The following BICD2 variants were observed in gnomAD, a reference collection of about 807,000 sequenced individuals.
The protein encoded by BICD2 is BICD cargo adaptor 2.
BICD2 carries 25 observed loss-of-function variants against 72.9 expected under a neutral mutation model. That is an observed-to-expected ratio of 0.34 (90% CI 0.25 to 0.48). The LOEUF (loss-of-function observed/expected upper bound fraction) is 0.48, where lower values mean the gene tolerates loss of function less well. BICD2 is among the 20% of genes least tolerant of loss of function. BICD2 has a pLI of 0.99. For synonymous variants in BICD2, 501 were observed against 516.1 expected (o/e 0.97, Z 0.40); for missense variants, 894 against 1,175.2 (o/e 0.76, Z 3.50).
chr9:92,757,589 G>T, intron 1 of BICD2, among the ~76,000 whole-genome samples: 1 of 144,484 alleles, frequency 6.9e-6, no homozygotes, highest in East Asian at 2.1e-4. Context: ...CAGCTACTGC[G>T]GGGGGGCGGG....
intron 1 of BICD2, among the ~76,000 whole-genome samples, chr9:92,738,708 C>T (rs1200388777): frequency 6.6e-6 from 1 of 152,210 alleles, no homozygotes; most frequent in Non-Finnish European, 1.5e-5. Flanking sequence ...AGAAGGCCTA[C>T]ACCACCAGGG....
intron 1 of BICD2, among the ~76,000 whole-genome samples, chr9:92,757,136 A>G (rs1290693701): frequency 6.6e-6 from 1 of 151,986 alleles, no homozygotes; most frequent in Non-Finnish European, 1.5e-5. Context: ...CAACATGGTG[A>G]AACCCCGCCT....
In BICD2 at chr9:92,764,590, T is replaced by A; in HGVS notation, c.155A>T (p.Glu52Val). 6.3e-7 allele frequency: 1 copy of A among 1,577,836 alleles called. No homozygotes were observed. The highest frequency in any genetic ancestry group is 8.6e-7 in the Non-Finnish European group (1 of 1,162,970). Residue 52 changes from glutamate (E) to valine (V), a missense_variant, in exon 1 of 7, where the codon GAG (glutamate) becomes GTG (valine). Coordinates refer to ENST00000356884, the MANE Select transcript of BICD2 (RefSeq NM_001003800.2). This position sits in a 1 kb window ranked among gnomAD's most constrained non-coding sequence, Gnocchi z 5.5. The stretch of plus-strand genomic sequence containing the variant: ...CTGCAGCTTGAGCTGGTGCTTCTCC[T>A]CGAGCACCGCCAGCCCGTACTCGGC... Reference protein sequence around the residue: ...QAAEYGLAVLEEKHQLKLQFE... With the variant: ...QAAEYGLAVLVEKHQLKLQFE...
At chr9:92,732,259 AAC>A (rs776710468) in intron 1 of BICD2, among the ~76,000 whole-genome samples, 15 of 152,208 alleles carry the variant, frequency 9.9e-5, no homozygotes, top group Non-Finnish European at 1.9e-4. Context: ...TCCAAAATGA[AAC>A]ACAGAGAAAA....
intron 3 of BICD2, among the ~76,000 whole-genome samples, chr9:92,721,650 A>T (rs980535550): frequency 5.3e-5 from 8 of 152,232 alleles, no homozygotes; most frequent in Admixed American, 3.3e-4. Context: ...GTGGGCATGG[A>T]GCCCTCAGTC....
Position 92,719,573 on chromosome 9 carries a change from C to T in BICD2, c.1072G>A (p.Glu358Lys). ...LKQQLMQMER[E>K]KAGLLATLQD... is the part of the protein sequence containing the mutation. ...AGCGTTGCCAGCAGGCCCGCCTTTT[C>T]CCGCTCCATCTGCAAAGGCACAGGC... is the stretch of plus-strand genomic sequence containing the variant. The change falls in exon 5 of 7, where the codon GAA becomes AAA. Residue 358 changes from glutamate to lysine, a missense_variant. Physicochemically the swap from Glu to Lys is moderately conservative, Grantham distance 56. Transcript: ENST00000356884. 2 of 1,602,482 alleles carry T rather than the reference C, an allele frequency of 1.2e-6. No individual in the cohort carries two copies. Among genetic ancestry groups the T allele is most frequent in the Non-Finnish European group, 1.7e-6 (2 of 1,175,948 alleles).
rs534890805 is a variant in BICD2 at position 92,711,466 on chromosome 9, T to C, written c.*3688A>G. ...TGGCTTTGTAGGCATTCACATCATATGTCTGTGTCCTGAAAATCTCAATTA... is the reference window on the plus strand; with the variant it reads ...TGGCTTTGTAGGCATTCACATCATACGTCTGTGTCCTGAAAATCTCAATTA... On this transcript the variant is annotated 3_prime_UTR_variant, in exon 7 of 7. Coordinates refer to ENST00000356884, the MANE Select transcript of BICD2 (RefSeq NM_001003800.2). The C allele has an allele frequency of 9.8e-4, 150 of 152,804 alleles. No individual in the cohort carries two copies. The highest frequency in any genetic ancestry group is 3.3e-3 in the African/African-American group (138 of 41,582). 9.5% of individuals were successfully genotyped at this position (152,804 alleles called of 1,614,324 possible).
At chr9:92,738,675 T>G (rs914000266) in intron 1 of BICD2, among the ~76,000 whole-genome samples, 7 of 152,096 alleles carry the variant, frequency 4.6e-5, no homozygotes, top group African/African-American at 1.4e-4. Flanking sequence ...TTGCCGACCT[T>G]CCACTGGGCT....
intron 1 of BICD2, among the ~76,000 whole-genome samples, chr9:92,738,911 TAGG>T (rs1853842144): frequency 6.6e-6 from 1 of 152,198 alleles, no homozygotes; most frequent in Non-Finnish European, 1.5e-5. Flanking sequence ...CTTCATCTGC[TAGG>T]CTGATCCAGC....
At chr9:92,721,791 C>G (rs1194454283) in intron 3 of BICD2, among the ~76,000 whole-genome samples, 2 of 152,232 alleles carry the variant, frequency 1.3e-5, no homozygotes, top group African/African-American at 4.8e-5. Context: ...ATGCGCTGGG[C>G]TCTGCCAACA....
At position 92,735,358 on chromosome 9, in the gene BICD2, G is replaced by T. The variant is rs114154125; in HGVS notation, c.241-6122C>A. Among the ~76,000 whole-genome samples, 305 of 152,210 alleles carry T rather than the reference G, an allele frequency of 2.0e-3. 1 individual carries two copies. Among genetic ancestry groups the T allele is most frequent in the African/African-American group, 6.8e-3 (282 of 41,544 alleles). On this transcript the variant is annotated intron_variant, in intron 1 of 6. Coordinates refer to ENST00000356884, the MANE Select transcript of BICD2 (RefSeq NM_001003800.2). Reference sequence around the variant, plus strand: ...AGGACAGACGCTGGGTCTATCAAAAGTGGGGATGGGCGGGGTAAGCTCTGG... The same window carrying T: ...AGGACAGACGCTGGGTCTATCAAAATTGGGGATGGGCGGGGTAAGCTCTGG...
rs1221608030 is a variant in BICD2 at position 92,720,370 on chromosome 9, C to G, written c.992G>C (p.Ser331Thr). ...KKEGLAPPSP[S>T]LVSDLLSELN... ...CTCACTGAGTAGGTCGGAGACGAGG[C>G]TGGGGGAGGGCGGTGCGAGGCCCTC... The change falls in exon 4 of 7, where the codon AGC becomes ACC. Residue 331 changes from serine to threonine, a missense_variant. Coordinates refer to ENST00000356884, the MANE Select transcript of BICD2 (RefSeq NM_001003800.2). The surrounding 1 kb of genome is among the most constrained non-coding windows in gnomAD (Gnocchi z 5.4). 6.2e-7 allele frequency: 1 copy of G among 1,614,010 alleles called. No homozygotes were observed.
chr9:92,753,926 C>T (rs571657483), intron 1 of BICD2, among the ~76,000 whole-genome samples: 57 of 151,412 alleles, frequency 3.8e-4, no homozygotes, highest in African/African-American at 1.4e-3. Context: ...AGGCGGATCA[C>T]GAGGTCAGGA....
At chr9:92,747,002 A>G (rs1206997572) in intron 1 of BICD2, among the ~76,000 whole-genome samples, 1 of 152,208 alleles carries the variant, frequency 6.6e-6, no homozygotes, top group Non-Finnish European at 1.5e-5. Context: ...GCCGCCCTAA[A>G]AAATGCAGCC....
At position 92,714,329 on chromosome 9, in the gene BICD2, G is replaced by T. The variant is rs1853257100; in HGVS notation, c.*825C>A. ...TAATTGGCTGCTGGGGTCACCCCAA[G>T]TACAAAAGGACGGGCTCTGCACTAA... On this transcript the variant is annotated 3_prime_UTR_variant, in exon 7 of 7. Coordinates refer to ENST00000356884, the MANE Select transcript of BICD2 (RefSeq NM_001003800.2). 1.0e-6 allele frequency: 1 copy of T among 985,366 alleles called. No homozygotes were observed. The highest frequency in any genetic ancestry group is 1.7e-5 in the African/African-American group (1 of 57,248). 61.0% of individuals were successfully genotyped at this position (985,366 alleles called of 1,614,324 possible). A position where few individuals can be genotyped will look rare whatever the true frequency, so the allele number is the denominator to read the frequency against.
intron 3 of BICD2, among the ~76,000 whole-genome samples, chr9:92,721,289 A>C (rs1475796245): frequency 1.3e-5 from 2 of 152,270 alleles, no homozygotes; most frequent in Non-Finnish European, 2.9e-5. Context: ...ATAGTTCAAA[A>C]TGAAGGAACA....
intron 6 of BICD2, among the ~76,000 whole-genome samples, chr9:92,716,934 C>A (rs571245538): frequency 6.6e-6 from 1 of 152,350 alleles, no homozygotes; most frequent in African/African-American, 2.4e-5. Flanking sequence ...GCCCTCTCCT[C>A]ACCCTCCCCA....
chr9:92,733,354 A>G (rs1467559427), intron 1 of BICD2, among the ~76,000 whole-genome samples: 3 of 151,582 alleles, frequency 2.0e-5, no homozygotes, highest in East Asian at 3.9e-4. Context: ...TGGCCAACAT[A>G]GTGAAACCTC....
In BICD2 at chr9:92,714,143, A is replaced by T. The variant is rs1012543839; in HGVS notation, c.*1011T>A. 15 of 985,478 alleles carry T rather than the reference A, an allele frequency of 1.5e-5. No homozygotes were observed. In the African/African-American group the frequency reaches 2.4e-4, roughly 16 times the overall value. The allele number at this position is 985,478 out of a possible 1,614,324, so 61.0% of individuals were successfully genotyped here. The stretch of plus-strand genomic sequence containing the variant: ...AAACATCTCCTACCTGTGAATCCTG[A>T]CAAGTGGCCCTGGCCCTATGCAAAG... On this transcript the variant is annotated 3_prime_UTR_variant, in exon 7 of 7. Coordinates refer to ENST00000356884, the MANE Select transcript of BICD2 (RefSeq NM_001003800.2).
Sources: gnomAD v4.1 joint callset for allele counts (sites outside exome capture counted in the v4.1 genomes callset) on GRCh38, gnomAD v4.1.1 for gene constraint, Gnocchi (gnomAD v3.1) non-coding constraint, MANE v1.5 for transcripts, NCBI Gene and HGNC (gene_info 2026-07-23, HGNC 2026-07-21) for gene names.